The following CFDP1 variants were observed in gnomAD, a reference collection of about 807,000 sequenced individuals.
CFDP1 encodes the protein heterochromatin-stabilizing protein CFDP1.
CFDP1 carries 31 observed loss-of-function variants against 40.1 expected under a neutral mutation model. The observed-to-expected ratio is 0.77, with a 90% CI of 0.58 to 1.04. The LOEUF (loss-of-function observed/expected upper bound fraction) is 1.04, where lower values mean the gene tolerates loss of function less well. CFDP1 is among the 50% of genes least tolerant of loss of function. The pLI is 0.00. For missense variants in CFDP1, 423 were observed against 343.4 expected (o/e 1.23, Z -1.83); for synonymous variants, 167 against 120.0 (o/e 1.39, Z -2.56).
intron 5 of CFDP1, among the ~76,000 whole-genome samples, chr16:75,336,830 CCTT>C (rs1320886198): frequency 1.3e-5 from 2 of 152,190 alleles, no homozygotes; most frequent in African/African-American, 2.4e-5. Context: ...AATGGCACCT[CCTT>C]GTCATTTAAA....
At chr16:75,326,574 G>C (rs1348253848) in intron 5 of CFDP1, among the ~76,000 whole-genome samples, 1 of 152,210 alleles carries the variant, frequency 6.6e-6, no homozygotes, top group African/African-American at 2.4e-5. Flanking sequence ...GTCTGAGCTG[G>C]GGAGCACAGT....
intron 5 of CFDP1, among the ~76,000 whole-genome samples, chr16:75,362,573 T>G (rs541328588): frequency 6.6e-6 from 1 of 152,308 alleles, no homozygotes; most frequent in South Asian, 2.1e-4. Flanking sequence ...CCATGTAACA[T>G]AATAATGCAG....
intron 1 of CFDP1, among the ~76,000 whole-genome samples, chr16:75,423,454 G>A (rs1228162728): frequency 6.6e-6 from 1 of 152,016 alleles, no homozygotes; most frequent in Non-Finnish European, 1.5e-5. Flanking sequence ...CCTCAGCCCA[G>A]TAGCTGGGAC....
At chr16:75,316,291 G>A (rs2078322696) in intron 5 of CFDP1, among the ~76,000 whole-genome samples, 1 of 152,130 alleles carries the variant, frequency 6.6e-6, no homozygotes, top group Admixed American at 6.6e-5. Flanking sequence ...TGTATAATAT[G>A]TGAGATAATA....
chr16:75,381,784 T>C (rs2078854229), intron 5 of CFDP1, among the ~76,000 whole-genome samples: 1 of 152,106 alleles, frequency 6.6e-6, no homozygotes, highest in Non-Finnish European at 1.5e-5. Flanking sequence ...GATATGGGTC[T>C]GGAGTTCAGG....
At chr16:75,367,997 C>G (rs2078727439) in intron 5 of CFDP1, among the ~76,000 whole-genome samples, 1 of 151,774 alleles carries the variant, frequency 6.6e-6, no homozygotes, top group Non-Finnish European at 1.5e-5. Flanking sequence ...CCCAGCTACT[C>G]AAGGGCTGAG....
intron 6 of CFDP1, among the ~76,000 whole-genome samples, chr16:75,303,400 A>AATGTATGTATGTATGT (rs71380717): frequency 1.2e-4 from 18 of 146,166 alleles, no homozygotes; most frequent in Non-Finnish European, 1.8e-4. Flanking sequence ...TAAATAAATA[A>AATGTATGTATGTATGT]ATGTATGTAT....
chr16:75,359,420 C>T (rs1435150846), intron 5 of CFDP1, among the ~76,000 whole-genome samples: 1 of 152,124 alleles, frequency 6.6e-6, no homozygotes, highest in African/African-American at 2.4e-5. Context: ...TCCAAAATAG[C>T]AAAGCTCTGC....
intron 1 of CFDP1, among the ~76,000 whole-genome samples, chr16:75,425,388 C>G (rs1013768476): frequency 1.6e-5 from 1 of 60,802 alleles, no homozygotes; most frequent in African/African-American, 5.2e-5. Flanking sequence ...CTCCATCCCC[C>G]TCAAAAAAAA....
At chr16:75,406,760 C>T (rs2079103421) in intron 4 of CFDP1, 1 of 152,130 alleles carries the variant, frequency 6.6e-6, no homozygotes, top group Non-Finnish European at 1.5e-5. Flanking sequence ...CATGGTAACT[C>T]ATGCCTGTAA....
chr16:75,370,547 A>G (rs896111561), intron 5 of CFDP1, among the ~76,000 whole-genome samples: 2 of 152,132 alleles, frequency 1.3e-5, no homozygotes, highest in African/African-American at 2.4e-5. Flanking sequence ...CCTAGAACTT[A>G]AAGTATAATA....
intron 4 of CFDP1, among the ~76,000 whole-genome samples, chr16:75,401,399 C>A (rs186788160): frequency 0.012 from 1,817 of 147,238 alleles, 33 homozygotes; most frequent in African/African-American, 0.044. Context: ...CTGCACTCCA[C>A]CCTGGGCAAC....
chr16:75,384,089 G>A (rs151187883), intron 5 of CFDP1, among the ~76,000 whole-genome samples: 297 of 152,236 alleles, frequency 2.0e-3, no homozygotes, highest in African/African-American at 6.5e-3. Context: ...TTGGCTGGGC[G>A]CAGTGGCTCA....
intron 5 of CFDP1, among the ~76,000 whole-genome samples, chr16:75,337,849 A>C (rs1172713303): frequency 1.3e-5 from 2 of 152,174 alleles, no homozygotes; most frequent in Non-Finnish European, 2.9e-5. Flanking sequence ...CGGGGCACTA[A>C]TCCAAACCAT....
At chr16:75,402,356 T>C (rs932706128) in intron 4 of CFDP1, among the ~76,000 whole-genome samples, 10 of 152,248 alleles carry the variant, frequency 6.6e-5, no homozygotes, top group Admixed American at 6.5e-4. Flanking sequence ...TTTCCATGAC[T>C]GGCTTTTTCC....
At position 75,397,262 on chromosome 16, in the gene CFDP1, C is replaced by A. The variant is rs191811129; in HGVS notation, c.531-2053G>T. The stretch of plus-strand genomic sequence containing the variant: ...AGGTACAGTGGCTCATGCCTGTAAT[C>A]CCAGCATTTTGGGAGGCCAAAGTGG... On this transcript the variant is annotated intron_variant, in intron 4 of 6. Transcript: ENST00000283882. Among the ~76,000 whole-genome samples the A allele has an allele frequency of 6.4e-3, 974 of 151,238 alleles. 5 individuals carry two copies. Among genetic ancestry groups the A allele is most frequent in the Non-Finnish European group, 8.9e-3 (602 of 67,758 alleles).
intron 5 of CFDP1, among the ~76,000 whole-genome samples, chr16:75,362,371 C>A (rs757747359): frequency 2.3e-4 from 35 of 152,214 alleles, no homozygotes; most frequent in Non-Finnish European, 4.8e-4. Context: ...GTTTAAAGTT[C>A]AGCATACTTC....
intron 5 of CFDP1, among the ~76,000 whole-genome samples, chr16:75,334,743 T>A (rs1372679074): frequency 6.6e-6 from 1 of 151,938 alleles, no homozygotes. Context: ...TAACTGGAGG[T>A]GAGGAGTTCA....
chr16:75,424,905 T>G (rs979997003), intron 1 of CFDP1, among the ~76,000 whole-genome samples: 2 of 152,180 alleles, frequency 1.3e-5, no homozygotes, highest in African/African-American at 4.8e-5. Context: ...TAAAACTGTT[T>G]CTATTCACAT....
Sources: gnomAD v4.1 joint callset for allele counts (sites outside exome capture counted in the v4.1 genomes callset) on GRCh38, gnomAD v4.1.1 for gene constraint, MANE v1.5 for transcripts, NCBI Gene and HGNC (gene_info 2026-07-23, HGNC 2026-07-21) for gene names.